TTLL8: variants seen among roughly 807,000 people sequenced by gnomAD.
The protein encoded by TTLL8 is tubulin tyrosine ligase like 8.
TTLL8 carries 65 observed loss-of-function variants against 77.8 expected under a neutral mutation model. That is an observed-to-expected ratio of 0.84 (90% CI 0.68 to 1.03). The LOEUF (loss-of-function observed/expected upper bound fraction) is 1.03. Among genes scored for constraint, TTLL8 ranks in the 50% least tolerant of loss-of-function variants. TTLL8 has a pLI of 0.00. For missense variants in TTLL8, 910 were observed against 1,004.5 expected, an observed-to-expected ratio of 0.91 and a Z score of 1.27; for synonymous variants, 402 against 422.8, an observed-to-expected ratio of 0.95 and a Z score of 0.60.
At chr22:50,056,173 A>G (rs962740174), upstream of TTLL8, among the ~76,000 whole-genome samples, 7 of 152,242 alleles carry the variant, frequency 4.6e-5, no homozygotes, top group Admixed American at 1.3e-4. This position sits in a 1 kb window ranked among gnomAD's most constrained non-coding sequence, Gnocchi z 4.1. Flanking sequence ...TCCATCTGAC[A>G]AAGAGCATGT....
chr22:50,041,166 G>T lies in TTLL8; in HGVS notation c.921+21C>A. Reference sequence around the variant, plus strand: ...CCAAGAGTGAGGCAGGTGCCCCAGTGGAGAGACAGACAAACCCCACCTGCC... The same window carrying T: ...CCAAGAGTGAGGCAGGTGCCCCAGTTGAGAGACAGACAAACCCCACCTGCC... On this transcript the variant is annotated intron_variant, in intron 8 of 13. Coordinates refer to ENST00000266182, the Ensembl canonical transcript of TTLL8. This position sits in a 1 kb window ranked among gnomAD's most constrained non-coding sequence, Gnocchi z 4.3. 1 of 418,482 alleles carries T rather than the reference G, an allele frequency of 2.4e-6. No homozygotes were observed. The highest frequency in any genetic ancestry group is 4.7e-6 in the Non-Finnish European group (1 of 211,780). 25.9% of individuals were successfully genotyped at this position (418,482 alleles called of 1,614,324 possible). A position where few individuals can be genotyped will look rare whatever the true frequency, so the allele number is the denominator to read the frequency against.
rs1318268531 is a variant in TTLL8, at chr22:50,043,396, G to C, written c.644-1589C>G. ...ATAGATAAATAAACAGTGGTGCCGA[G>C]ACGTCCTTCGGTAGATGGATAGATA... On this transcript the variant is annotated intron_variant, in intron 6 of 13. Coordinates refer to ENST00000266182, the Ensembl canonical transcript of TTLL8. Among the ~76,000 whole-genome samples, 393 of 50,520 alleles carry C rather than the reference G, an allele frequency of 7.8e-3. 1 individual carries two copies. Among genetic ancestry groups the C allele is most frequent in the Admixed American group, 0.012 (60 of 4,908 alleles). 33.1% of individuals were successfully genotyped at this position (50,520 alleles called of 152,430 possible). A position where few individuals can be genotyped will look rare whatever the true frequency, so the allele number is the denominator to read the frequency against.
At chr22:50,020,004 T>C (rs967957964) in intron 12 of TTLL8, among the ~76,000 whole-genome samples, 1 of 152,188 alleles carries the variant, frequency 6.6e-6, no homozygotes, top group East Asian at 1.9e-4. Context: ...CTGAAAACTC[T>C]AAAGCAAGAA....
chr22:50,031,444 C>T (rs1018684907), intron 11 of TTLL8, among the ~76,000 whole-genome samples: 2 of 152,184 alleles, frequency 1.3e-5, no homozygotes, highest in Non-Finnish European at 2.9e-5. Flanking sequence ...TGAGCGGGGC[C>T]GCTCCGCCCG....
Position 50,030,547 on chromosome 22 carries a change from CGGGGACACCG to C in TTLL8, c.2076_2085del (p.Gly693Ter). On this transcript the variant is annotated frameshift_variant, in exon 12 of 14. Transcript: ENST00000266182. LOFTEE classifies it high-confidence loss of function. Reference sequence around the variant, plus strand: ...TCCCAGCTTTTGGCGGGCTGGGCTACGGGGACACCGGTGTTTGGGGCCTGACTGTCCACGT... The same window carrying C: ...TCCCAGCTTTTGGCGGGCTGGGCTACGTGTTTGGGGCCTGACTGTCCACGT... The C allele has an allele frequency of 7.6e-7, 1 of 1,319,624 alleles. No individual in the cohort carries two copies. The highest frequency in any genetic ancestry group is 1.0e-6 in the Non-Finnish European group (1 of 1,000,586). The allele number at this position is 1,319,624 out of a possible 1,614,324, so 81.7% of individuals were successfully genotyped here.
At chr22:50,046,112 TC>T in intron 4 of TTLL8, 142 bp from the exon 7 acceptor site, 2 of 640,310 alleles carry the variant, frequency 3.1e-6, no homozygotes, top group Non-Finnish European at 4.7e-6. Context: ...TCCCTCCCCC[TC>T]CCCAGATATA....
In TTLL8 at chr22:50,031,965, G is replaced by GC. The variant is rs1489799600; in HGVS notation, c.1427dup (p.Ser477GlnfsTer30). 5.9e-6 allele frequency: 8 copies of GC among 1,366,752 alleles called. No homozygotes were observed. The allele number at this position is 1,366,752 out of a possible 1,614,324, so 84.7% of individuals were successfully genotyped here. A position where few individuals can be genotyped will look rare whatever the true frequency, so the allele number is the denominator to read the frequency against. ...TCTTCATGGACGGGTAGATGACGCT[G>GC]CCCCACACGGCGCCACGGCCCTGGC... On this transcript the variant is annotated frameshift_variant, in exon 11 of 14. Coordinates refer to ENST00000266182, the Ensembl canonical transcript of TTLL8. LOFTEE classifies it high-confidence loss of function.
intron 12 of TTLL8, among the ~76,000 whole-genome samples, chr22:50,019,869 C>A (rs571365919): frequency 1.3e-5 from 2 of 152,296 alleles, no homozygotes; most frequent in South Asian, 4.1e-4. Flanking sequence ...ATGTTACATG[C>A]ACTGGTTAAA....
At position 50,045,124 on chromosome 22, in the gene TTLL8, T is replaced by C. The variant is rs148376900; in HGVS notation, c.643+131A>G. On this transcript the variant is annotated intron_variant, in intron 6 of 13. Coordinates refer to ENST00000266182, the Ensembl canonical transcript of TTLL8. ...CCGTCTGCCATGAGAATCGAGAGAG[T>C]CTGAGGCATCGCTGTATCCAGCCCC... 84 of 1,037,126 alleles carry C rather than the reference T, an allele frequency of 8.1e-5. No individual in the cohort carries two copies. In the African/African-American group the frequency reaches 1.2e-3, roughly 14 times the overall value. 64.2% of individuals were successfully genotyped at this position (1,037,126 alleles called of 1,614,324 possible). A position where few individuals can be genotyped will look rare whatever the true frequency, so the allele number is the denominator to read the frequency against.
chr22:50,034,529 G>A lies in TTLL8; in HGVS notation c.922-67C>T, dbSNP rs1307157542. On this transcript the variant is annotated intron_variant, in intron 8 of 13. Coordinates refer to ENST00000266182, the Ensembl canonical transcript of TTLL8. This position sits in a 1 kb window ranked among gnomAD's most constrained non-coding sequence, Gnocchi z 4.1. The stretch of plus-strand genomic sequence containing the variant: ...CACTACAAAGCAAGATCCAGAAAGT[G>A]CATGAGACTTGGAGGCCTGGGCCCC... 4 of 1,313,186 alleles carry A rather than the reference G, an allele frequency of 3.0e-6. No individual in the cohort carries two copies. Among genetic ancestry groups the A allele is most frequent in the South Asian group, 1.2e-5 (1 of 83,624 alleles). 81.3% of individuals were successfully genotyped at this position (1,313,186 alleles called of 1,614,324 possible). A position where few individuals can be genotyped will look rare whatever the true frequency, so the allele number is the denominator to read the frequency against.
At chr22:50,027,951 C>T (rs1375938132) in intron 12 of TTLL8, among the ~76,000 whole-genome samples, 3 of 152,216 alleles carry the variant, frequency 2.0e-5, no homozygotes, top group South Asian at 2.1e-4. Context: ...GACTCACGCA[C>T]GGACGCCAGC....
At chr22:50,037,595 T>TC (rs979609277) in intron 8 of TTLL8, among the ~76,000 whole-genome samples, 2 of 152,216 alleles carry the variant, frequency 1.3e-5, no homozygotes, top group Non-Finnish European at 2.9e-5. Context: ...CATTTTTTTT[T>TC]CGTATGGCTG....
chr22:50,029,648 G>T (rs1171901226), intron 12 of TTLL8, among the ~76,000 whole-genome samples: 1 of 152,080 alleles, frequency 6.6e-6, no homozygotes, highest in Non-Finnish European at 1.5e-5. Flanking sequence ...GGAGAATGGC[G>T]CGAACCCGGG....
chr22:50,024,974 G>A (rs2061223416), intron 12 of TTLL8, among the ~76,000 whole-genome samples: 1 of 152,068 alleles, frequency 6.6e-6, no homozygotes, highest in Admixed American at 6.5e-5. Flanking sequence ...TTTTCCCCTG[G>A]CCCCTTGATT....
chr22:50,057,516 G>T (rs1335939461), upstream of TTLL8, among the ~76,000 whole-genome samples: 2 of 75,092 alleles, frequency 2.7e-5, no homozygotes, highest in African/African-American at 8.0e-5. Flanking sequence ...GTCTGGGTTG[G>T]GGGGTCAGGT....
chr22:50,055,820 TG>T (rs1328510764), upstream of TTLL8, among the ~76,000 whole-genome samples: 1 of 152,046 alleles, frequency 6.6e-6, no homozygotes, highest in African/African-American at 2.4e-5. Context: ...GTGGTAGACG[TG>T]TCAGCGGTGT....
upstream of TTLL8, chr22:50,056,799 G>A (rs1485487643): frequency 7.8e-7 from 1 of 1,289,280 alleles, no homozygotes; most frequent in Non-Finnish European, 1.0e-6. This position sits in a 1 kb window ranked among gnomAD's most constrained non-coding sequence, Gnocchi z 4.1. Context: ...GCAGGCTGCA[G>A]CCAGCACTGC....
At position 50,034,341 on chromosome 22, in the gene TTLL8, GCA is replaced by G; in HGVS notation, c.1039+2_1039+3del. 7.3e-7 allele frequency: 1 copy of G among 1,364,004 alleles called. No individual in the cohort carries two copies. Among genetic ancestry groups the G allele is most frequent in the Non-Finnish European group, 9.8e-7 (1 of 1,021,000 alleles). 84.5% of individuals were successfully genotyped at this position (1,364,004 alleles called of 1,614,324 possible). On this transcript the variant is annotated splice_donor_variant and splice_donor_region_variant and intron_variant, in intron 9 of 13. Transcript: ENST00000266182. LOFTEE classifies it high-confidence loss of function. The surrounding 1 kb of genome is among the most constrained non-coding windows in gnomAD (Gnocchi z 4.1). ...TATGAACGCGGTGCAGGGAGCATCC[GCA>G]CCAGGGGACTCACCTCGGCCCCGGG...
At chr22:50,030,808 A>G (rs1388485486) in exon 12 of TTLL8, 6 of 1,349,878 alleles carry the variant, frequency 4.4e-6, no homozygotes, top group Admixed American at 2.0e-5. Context: ...TGCGCGTCCA[A>G]CAGCGAGGCC....
Sources: allele counts gnomAD v4.1 joint callset (sites outside exome capture counted in the v4.1 genomes callset), GRCh38; gene constraint gnomAD v4.1.1; non-coding constraint Gnocchi (gnomAD v3.1); transcripts MANE v1.5; gene names NCBI Gene and HGNC (gene_info 2026-07-23, HGNC 2026-07-21).